Variants in ICA1L observed in about 807,000 individuals in gnomAD.
The protein encoded by ICA1L is islet cell autoantigen 1-like protein.
ICA1L carries 50 observed loss-of-function variants against 61.3 expected under a neutral mutation model. The observed-to-expected ratio is 0.82, with a 90% CI of 0.65 to 1.03. ICA1L has a LOEUF of 1.03. Among genes scored for constraint, ICA1L ranks in the 50% least tolerant of loss-of-function variants. ICA1L has a pLI of 0.00. For synonymous variants in ICA1L, 161 were observed against 191.3 expected, an observed-to-expected ratio of 0.84 and a Z score of 1.31; for missense variants, 508 against 556.7, an observed-to-expected ratio of 0.91 and a Z score of 0.88.
At chr2:202,846,010 G>A (rs1370620754) in intron 1 of ICA1L, among the ~76,000 whole-genome samples, 5 of 152,188 alleles carry the variant, frequency 3.3e-5, no homozygotes, top group African/African-American at 4.8e-5. Context: ...ATTCCTCAGA[G>A]TGACGGTTTA....
rs555720996 is a variant in ICA1L at position 202,857,455 on chromosome 2, C to A, written c.-8+14164G>T. Among the ~76,000 whole-genome samples, 24 of 152,220 alleles carry A rather than the reference C, an allele frequency of 1.6e-4. 1 individual carries two copies. The South Asian group carries it at 4.8e-3, about 30-fold the overall frequency. ...AAACAGAAACTGGACCCCTTCCTCACACCTTATATAAAAATTAACTCAAGA... is the reference window on the plus strand; with the variant it reads ...AAACAGAAACTGGACCCCTTCCTCAAACCTTATATAAAAATTAACTCAAGA... On this transcript the variant is annotated intron_variant, in intron 1 of 12. Transcript: ENST00000358299.
At position 202,773,437 on chromosome 2, in the gene ICA1L, TAAG is replaced by T. The variant is rs1254356585; in HGVS notation, c.*6093_*6095del. On this transcript the variant is annotated 3_prime_UTR_variant, in exon 13 of 13. Transcript: ENST00000358299. ...TTCAATGACTCTTAGATGAATGGAA[TAAG>T]AAGTAGTCATCACATGTCAATTAGG... 1 of 205,884 alleles carries T rather than the reference TAAG, an allele frequency of 4.9e-6. No homozygotes were observed. The highest frequency in any genetic ancestry group is 9.9e-6 in the Non-Finnish European group (1 of 101,484). 12.8% of individuals were successfully genotyped at this position (205,884 alleles called of 1,614,324 possible).
rs562230381 is a variant in ICA1L at position 202,777,044 on chromosome 2, C to CTTTTTTTTTT, written c.*2479_*2488dup. ...ACAAACTCTCAAGACATAAAGTTAGCTTTTTTTTTTTTTTTTTTTTTTTTT... is the reference window on the plus strand; with the variant it reads ...ACAAACTCTCAAGACATAAAGTTAGCTTTTTTTTTTTTTTTTTTTTTTTTTTTTTTTTTTT... On this transcript the variant is annotated 3_prime_UTR_variant, in exon 13 of 13. Coordinates refer to ENST00000358299, the MANE Select transcript of ICA1L (RefSeq NM_001288622.3). The CTTTTTTTTTT allele has an allele frequency of 4.9e-3, 337 of 68,586 alleles. 33 individuals carry two copies. Among genetic ancestry groups the CTTTTTTTTTT allele is most frequent in the African/African-American group, 0.021 (328 of 15,268 alleles). The allele number at this position is 68,586 out of a possible 1,614,324, so 4.2% of individuals were successfully genotyped here. A position where few individuals can be genotyped will look rare whatever the true frequency, so the allele number is the denominator to read the frequency against.
At chr2:202,843,591 T>G (rs1371444985) in intron 1 of ICA1L, among the ~76,000 whole-genome samples, 4 of 152,146 alleles carry the variant, frequency 2.6e-5, no homozygotes, top group African/African-American at 9.7e-5. Context: ...TGCACAAATG[T>G]GTGGAGGTAC....
intron 1 of ICA1L, among the ~76,000 whole-genome samples, chr2:202,862,503 G>C (rs1306794053): frequency 6.6e-6 from 1 of 151,910 alleles, no homozygotes; most frequent in Admixed American, 6.6e-5. Flanking sequence ...ATATCAATTG[G>C]ATATCTAGAA....
chr2:202,788,697 G>T lies in ICA1L; in HGVS notation c.1243+133C>A, dbSNP rs868798975. On this transcript the variant is annotated intron_variant, in intron 11 of 12. Coordinates refer to ENST00000358299, the MANE Select transcript of ICA1L (RefSeq NM_001288622.3). ...CTAATATTTTTCCAGTTGATTGGTG[G>T]ACTGCAGATTTTATCTAGTAGTGCT... 1.1e-5 allele frequency: 9 copies of T among 855,154 alleles called. No individual in the cohort carries two copies. In the Middle Eastern group the frequency reaches 1.8e-3, roughly 172 times the overall value. 53.0% of individuals were successfully genotyped at this position (855,154 alleles called of 1,614,324 possible).
intron 1 of ICA1L, chr2:202,870,642 C>T (rs1023833308): frequency 3.3e-5 from 5 of 152,192 alleles, no homozygotes; most frequent in Non-Finnish European, 7.3e-5. Flanking sequence ...GTAATATCGT[C>T]TTACAGTACG....
intron 1 of ICA1L, among the ~76,000 whole-genome samples, chr2:202,855,133 G>A (rs1200745652): frequency 6.6e-6 from 1 of 152,094 alleles, no homozygotes; most frequent in East Asian, 1.9e-4. Flanking sequence ...AGAATCTCTG[G>A]GACACAGCTA....
At chr2:202,794,368 A>C (rs556646422) in intron 10 of ICA1L, among the ~76,000 whole-genome samples, 78 of 147,740 alleles carry the variant, frequency 5.3e-4, no homozygotes, top group African/African-American at 1.6e-3. Flanking sequence ...AAAAAAAATC[A>C]ACAACCATTC....
intron 8 of ICA1L, among the ~76,000 whole-genome samples, chr2:202,813,673 G>C (rs897610950): frequency 3.9e-5 from 6 of 152,092 alleles, no homozygotes; most frequent in Admixed American, 3.3e-4. Flanking sequence ...AACAGTATAT[G>C]GTTTATCACT....
At chr2:202,802,030 T>C (rs1367587759) in intron 9 of ICA1L, among the ~76,000 whole-genome samples, 3 of 152,290 alleles carry the variant, frequency 2.0e-5, no homozygotes, top group South Asian at 4.1e-4. Context: ...ATAATAGATT[T>C]AGACCCCCCA....
rs1692141717 is a variant in ICA1L, at chr2:202,774,205, C to T, written c.*5328G>A. The T allele has an allele frequency of 1.9e-6, 3 of 1,550,744 alleles. No individual in the cohort carries two copies. Among genetic ancestry groups the T allele is most frequent in the Non-Finnish European group, 1.7e-6 (2 of 1,146,612 alleles). On this transcript the variant is annotated 3_prime_UTR_variant, in exon 13 of 13. Coordinates refer to ENST00000358299, the MANE Select transcript of ICA1L (RefSeq NM_001288622.3). The stretch of plus-strand genomic sequence containing the variant: ...GCGGGCACACCAGGAACTCCAGCAG[C>T]GCCGGATCGAAGGCGCGGGGCGGCT...
intron 1 of ICA1L, among the ~76,000 whole-genome samples, chr2:202,832,220 CA>C (rs1192896711): frequency 3.9e-5 from 6 of 152,094 alleles, no homozygotes; most frequent in Non-Finnish European, 1.5e-5. Context: ...ATGCATCATT[CA>C]AAATCCCAAG....
At chr2:202,834,164 CAATT>C (rs1223283952) in intron 1 of ICA1L, among the ~76,000 whole-genome samples, 1 of 152,100 alleles carries the variant, frequency 6.6e-6, no homozygotes, top group African/African-American at 2.4e-5. Flanking sequence ...ACCATTTTCT[CAATT>C]AAAAATAATT....
At chr2:202,864,664 T>C (rs188373591) in intron 1 of ICA1L, among the ~76,000 whole-genome samples, 141 of 152,030 alleles carry the variant, frequency 9.3e-4, no homozygotes, top group African/African-American at 3.3e-3. Context: ...TATATATGGA[T>C]AAAACATGAC....
At chr2:202,808,945 A>G (rs1385577078) in intron 9 of ICA1L, among the ~76,000 whole-genome samples, 2 of 152,184 alleles carry the variant, frequency 1.3e-5, no homozygotes, top group African/African-American at 4.8e-5. Context: ...CAGACTACAA[A>G]GACTATAATA....
chr2:202,805,902 A>G (rs563538403), intron 9 of ICA1L, among the ~76,000 whole-genome samples: 2 of 152,354 alleles, frequency 1.3e-5, no homozygotes, highest in African/African-American at 2.4e-5. Context: ...TTTGTGGGGT[A>G]TAGGATCATA....
rs569561748 is a variant in ICA1L, at chr2:202,773,842, G to A, written c.*5691C>T. 2.9e-6 allele frequency: 4 copies of A among 1,363,094 alleles called. No individual in the cohort carries two copies. Among genetic ancestry groups the A allele is most frequent in the East Asian group, 4.6e-5 (2 of 43,526 alleles). 84.4% of individuals were successfully genotyped at this position (1,363,094 alleles called of 1,614,324 possible). ...AGGCTAGCTGTGCAAGTGCAGCCCTGTGGGAAGTTTTCTTCTACAGAGGCT... is the reference window on the plus strand; with the variant it reads ...AGGCTAGCTGTGCAAGTGCAGCCCTATGGGAAGTTTTCTTCTACAGAGGCT... On this transcript the variant is annotated 3_prime_UTR_variant, in exon 13 of 13. Transcript: ENST00000358299.
chr2:202,867,492 AAC>A (rs1687549956), intron 1 of ICA1L, among the ~76,000 whole-genome samples: 1 of 152,206 alleles, frequency 6.6e-6, no homozygotes, highest in Non-Finnish European at 1.5e-5. Flanking sequence ...AAACATGTCT[AAC>A]CACTGAAACG....
Sources: allele counts gnomAD v4.1 joint callset (sites outside exome capture counted in the v4.1 genomes callset), GRCh38; gene constraint gnomAD v4.1.1; transcripts MANE v1.5; gene names NCBI Gene and HGNC (gene_info 2026-07-23, HGNC 2026-07-21).